NNT: variants seen among roughly 807,000 people sequenced by gnomAD.
NNT encodes the protein NAD(P) transhydrogenase, mitochondrial.
NNT carries 50 observed loss-of-function variants against 104.8 expected under a neutral mutation model. The ratio of observed to expected loss-of-function variants is 0.48; its 90% confidence interval spans 0.38 to 0.60. NNT has a LOEUF of 0.60. Ranked by LOEUF, NNT falls within the 20% of genes least tolerant of loss-of-function variation. The probability of loss-of-function intolerance (pLI) is 0.00; values close to 1 mark genes in which losing one functional copy is unlikely to be tolerated. For synonymous variants in NNT, 461 were observed against 490.4 expected, an observed-to-expected ratio of 0.94 and a Z score of 0.79; for missense variants, 1,131 against 1,330.7, an observed-to-expected ratio of 0.85 and a Z score of 2.33.
At chr5:43,609,763 T>G (rs2111778960) in intron 2 of NNT, among the ~76,000 whole-genome samples, 2 of 152,344 alleles carry the variant, frequency 1.3e-5, no homozygotes, top group East Asian at 3.9e-4. Flanking sequence ...TTAGTAGCAA[T>G]TTGATTGCAG....
rs775938868 is a variant in NNT at position 43,659,161 on chromosome 5, G to A, written c.2455-10G>A. The A allele has an allele frequency of 1.3e-6, 2 of 1,542,954 alleles. No homozygotes were observed. The highest frequency in any genetic ancestry group is 1.7e-6 in the Non-Finnish European group (2 of 1,143,238). ...ATTAATTTTGAGTTCTGATTTGATT[G>A]TTGTTCTAGGGTGTGACTTTGACAG... On this transcript the variant is annotated splice_polypyrimidine_tract_variant and intron_variant, in intron 16 of 21. Coordinates refer to ENST00000344920, the MANE Select transcript of NNT (RefSeq NM_182977.3).
At chr5:43,696,118 A>G (rs1742544472) in intron 19 of NNT, among the ~76,000 whole-genome samples, 1 of 152,176 alleles carries the variant, frequency 6.6e-6, no homozygotes, top group Non-Finnish European at 1.5e-5. Flanking sequence ...TCCACAGTCC[A>G]AAGTCTCATA....
chr5:43,699,156 C>G (rs1452366587), intron 19 of NNT, among the ~76,000 whole-genome samples: 2 of 151,982 alleles, frequency 1.3e-5, no homozygotes, highest in African/African-American at 2.4e-5. Flanking sequence ...TATCTGTGGT[C>G]AAAAGAAGTT....
rs187746576 is a variant in NNT, at chr5:43,659,681, C to G, written c.2634+331C>G. On this transcript the variant is annotated intron_variant, in intron 17 of 21. Transcript: ENST00000344920. ...AGGCAGAGGTTGCAGTGACTGAGAT[C>G]ATGCCACTGTACTCCAGCCTGGGTG... Among the ~76,000 whole-genome samples, 12 of 152,034 alleles carry G rather than the reference C, an allele frequency of 7.9e-5. No individual in the cohort carries two copies. In the East Asian group the frequency reaches 2.3e-3, roughly 29 times the overall value.
chr5:43,653,144 G>A lies in NNT; in HGVS notation c.1990G>A (p.Gly664Arg), dbSNP rs371979800. The stretch of plus-strand genomic sequence containing the variant: ...TGCTGGAGGACTGGCAGCCACCCTC[G>A]GAGTCCTAAAACCGGGCCCAGAATT... ...GVAGGLAATL[G>R]VLKPGPELLA... Residue 664 changes from glycine to arginine, a missense_variant, in exon 14 of 22, where the codon GGA becomes AGA. Physicochemically the swap from Gly to Arg is moderately radical, Grantham distance 125. Coordinates refer to ENST00000344920, the MANE Select transcript of NNT (RefSeq NM_182977.3). 33 of 1,613,980 alleles carry A rather than the reference G, an allele frequency of 2.0e-5. No homozygotes were observed. The highest frequency in any genetic ancestry group is 3.3e-5 in the South Asian group (3 of 91,078).
intron 7 of NNT, among the ~76,000 whole-genome samples, chr5:43,635,584 G>T (rs1392761148): frequency 6.6e-6 from 1 of 152,134 alleles, no homozygotes; most frequent in African/African-American, 2.4e-5. Flanking sequence ...TTAACCAACA[G>T]AAATTTATTT....
intron 7 of NNT, among the ~76,000 whole-genome samples, chr5:43,635,452 G>C (rs1050740122): frequency 1.3e-5 from 2 of 152,152 alleles, no homozygotes; most frequent in Non-Finnish European, 2.9e-5. Context: ...CTAAGACTTA[G>C]TCATGTGGCC....
Position 43,650,473 on chromosome 5 carries a change from C to G in NNT, c.1607-4C>G. 3.1e-6 allele frequency: 5 copies of G among 1,610,656 alleles called. No homozygotes were observed. The highest frequency in any genetic ancestry group is 4.2e-6 in the Non-Finnish European group (5 of 1,176,954). On this transcript the variant is annotated splice_region_variant and splice_polypyrimidine_tract_variant and intron_variant, in intron 11 of 21. Transcript: ENST00000344920. ...TATTAACCATGTTAATGCTTTCTTT[C>G]TAGGGCTGACTGCAGTTGGTGGGTT...
At chr5:43,701,626 G>A (rs1025195381) in intron 20 of NNT, among the ~76,000 whole-genome samples, 1 of 152,098 alleles carries the variant, frequency 6.6e-6, no homozygotes, top group Non-Finnish European at 1.5e-5. Context: ...TCAAGTAGGA[G>A]TTCTAAGTTC....
intron 2 of NNT, among the ~76,000 whole-genome samples, chr5:43,611,025 AT>A (rs1400463990): frequency 6.6e-6 from 1 of 151,974 alleles, no homozygotes; most frequent in African/African-American, 2.4e-5. Context: ...TACAGTCAGT[AT>A]TCATATTTTT....
chr5:43,643,010 G>A (rs772635087), intron 7 of NNT, among the ~76,000 whole-genome samples: 5 of 152,132 alleles, frequency 3.3e-5, no homozygotes, highest in Non-Finnish European at 5.9e-5. Flanking sequence ...CTGCATCCTC[G>A]AGTTCCTGGG....
In NNT at chr5:43,649,378, A is replaced by G. The variant is rs1739630384; in HGVS notation, c.1606+70A>G. The G allele has an allele frequency of 2.6e-6, 4 of 1,531,840 alleles. No homozygotes were observed. In the South Asian group the frequency reaches 3.5e-5, roughly 14 times the overall value. 94.9% of individuals were successfully genotyped at this position (1,531,840 alleles called of 1,614,324 possible). A position where few individuals can be genotyped will look rare whatever the true frequency, so the allele number is the denominator to read the frequency against. ...TTACTCAGCTCTAGGAGGACTATCAATGCCGTTTATAAAGTGTGTTTTCAA... is the reference window on the plus strand; with the variant it reads ...TTACTCAGCTCTAGGAGGACTATCAGTGCCGTTTATAAAGTGTGTTTTCAA... On this transcript the variant is annotated intron_variant, in intron 11 of 21. Coordinates refer to ENST00000344920, the MANE Select transcript of NNT (RefSeq NM_182977.3).
chr5:43,691,324 G>T (rs958513478), intron 19 of NNT, among the ~76,000 whole-genome samples: 1 of 152,150 alleles, frequency 6.6e-6, no homozygotes, highest in Non-Finnish European at 1.5e-5. Context: ...GGCTGGTCTT[G>T]AACTCCTGAC....
At chr5:43,633,072 C>T (rs1750763898) in intron 7 of NNT, among the ~76,000 whole-genome samples, 1 of 152,154 alleles carries the variant, frequency 6.6e-6, no homozygotes, top group Non-Finnish European at 1.5e-5. Flanking sequence ...CGTTTCCCAC[C>T]TCAGGTCTAG....
chr5:43,638,038 G>A (rs968786576), intron 7 of NNT, among the ~76,000 whole-genome samples: 1 of 152,168 alleles, frequency 6.6e-6, no homozygotes, highest in Non-Finnish European at 1.5e-5. Context: ...CAAGGGGGCA[G>A]TTTCCCCCAT....
chr5:43,624,633 C>G (rs768035214), intron 6 of NNT, among the ~76,000 whole-genome samples: 1 of 152,074 alleles, frequency 6.6e-6, no homozygotes, highest in African/African-American at 2.4e-5. Flanking sequence ...AATTTTTGAG[C>G]CCCTGGGTGA....
In NNT at chr5:43,613,167, C is replaced by T. The variant is rs990817286; in HGVS notation, c.381+30C>T. Reference sequence around the variant, plus strand: ...TTATTCCTTTTTCCTCTCCCATTTACAGCATGCTGACTTTTTGAAATCTTT... The same window carrying T: ...TTATTCCTTTTTCCTCTCCCATTTATAGCATGCTGACTTTTTGAAATCTTT... On this transcript the variant is annotated intron_variant, in intron 3 of 21. Transcript: ENST00000344920. The T allele has an allele frequency of 3.3e-6, 5 of 1,518,970 alleles. No individual in the cohort carries two copies. In the African/African-American group the frequency reaches 6.9e-5, roughly 21 times the overall value. 94.1% of individuals were successfully genotyped at this position (1,518,970 alleles called of 1,614,324 possible). A position where few individuals can be genotyped will look rare whatever the true frequency, so the allele number is the denominator to read the frequency against.
In NNT at chr5:43,704,270, AGGTCT is replaced by A; in HGVS notation, c.3128_3132del (p.Arg1043IlefsTer17). On this transcript the variant is annotated frameshift_variant, in exon 22 of 22. Coordinates refer to ENST00000344920, the MANE Select transcript of NNT (RefSeq NM_182977.3). LOFTEE classifies it high-confidence loss of function. ...TGGTTCTCAGGTGATTGTTATGAAG[AGGTCT>A]TTGGGTGTTGGCTATGCTGCAGTGG... 1 of 1,581,638 alleles carries A rather than the reference AGGTCT, an allele frequency of 6.3e-7. No homozygotes were observed. Among genetic ancestry groups the A allele is most frequent in the South Asian group, 1.2e-5 (1 of 85,574 alleles).
At chr5:43,697,570 A>T (rs141209116) in intron 19 of NNT, among the ~76,000 whole-genome samples, 1 of 152,182 alleles carries the variant, frequency 6.6e-6, no homozygotes, top group African/African-American at 2.4e-5. Context: ...TTACTATATT[A>T]GTCCATTTTC....
Sources: allele counts gnomAD v4.1 joint callset (sites outside exome capture counted in the v4.1 genomes callset), GRCh38; gene constraint gnomAD v4.1.1; transcripts MANE v1.5; gene names NCBI Gene and HGNC (gene_info 2026-07-23, HGNC 2026-07-21).